ZNF33B: variants seen among roughly 807,000 people sequenced by gnomAD.
ZNF33B encodes zinc finger protein 33B, also known as zinc finger protein 11b (KOX 2).
Under a neutral mutation model 45.8 loss-of-function variants are expected in ZNF33B, and 29 were observed. That is an observed-to-expected ratio of 0.63 (90% CI 0.47 to 0.86). The LOEUF (loss-of-function observed/expected upper bound fraction) is 0.86. Ranked by LOEUF, ZNF33B falls within the 40% of genes least tolerant of loss-of-function variation. The pLI, the probability that ZNF33B is intolerant of heterozygous loss-of-function variation, is 0.00. For missense variants in ZNF33B, 831 were observed against 909.9 expected, an observed-to-expected ratio of 0.91 and a Z score of 1.12; for synonymous variants, 305 against 307.8, an observed-to-expected ratio of 0.99 and a Z score of 0.10.
At chr10:42,634,214 GGCC>G (rs1415119050) in intron 2 of ZNF33B, among the ~76,000 whole-genome samples, 1 of 151,592 alleles carries the variant, frequency 6.6e-6, no homozygotes, top group East Asian at 2.0e-4. Flanking sequence ...AGACTAGCCT[GGCC>G]AACATGGAGA....
At chr10:42,622,971 A>G (rs1428012536) in intron 4 of ZNF33B, among the ~76,000 whole-genome samples, 1 of 152,232 alleles carries the variant, frequency 6.6e-6, no homozygotes, top group Non-Finnish European at 1.5e-5. Flanking sequence ...AAGCAACAAA[A>G]GAAAGAGTAG....
chr10:42,607,109 A>AAT (rs1359316391), intron 4 of ZNF33B, among the ~76,000 whole-genome samples: 1 of 152,048 alleles, frequency 6.6e-6, no homozygotes, highest in Non-Finnish European at 1.5e-5. Flanking sequence ...ATATATATGC[A>AAT]ATATATATAA....
At chr10:42,603,725 C>T (rs562176534) in intron 4 of ZNF33B, among the ~76,000 whole-genome samples, 4 of 152,162 alleles carry the variant, frequency 2.6e-5, no homozygotes, top group Non-Finnish European at 5.9e-5. Context: ...CAATCAGTAG[C>T]GGCTATCAGC....
intron 2 of ZNF33B, among the ~76,000 whole-genome samples, chr10:42,633,562 G>T (rs1484762403): frequency 6.6e-6 from 1 of 152,142 alleles, no homozygotes; most frequent in African/African-American, 2.4e-5. Context: ...GTTTCCTCTG[G>T]CTATCCCCAT....
intron 4 of ZNF33B, among the ~76,000 whole-genome samples, chr10:42,601,440 G>C (rs1204832931): frequency 6.8e-6 from 1 of 147,698 alleles, no homozygotes; most frequent in East Asian, 2.0e-4. Context: ...CTGAAGTCCT[G>C]AAGTTCTCCT....
intron 4 of ZNF33B, among the ~76,000 whole-genome samples, chr10:42,600,474 T>C (rs1408990115): frequency 6.6e-6 from 1 of 152,216 alleles, no homozygotes; most frequent in Non-Finnish European, 1.5e-5. Flanking sequence ...CTACTTCATC[T>C]GGCTGTCACA....
At position 42,593,286 on chromosome 10, in the gene ZNF33B, C is replaced by T; in HGVS notation, c.1664G>A (p.Cys555Tyr). 6.2e-7 allele frequency: 1 copy of T among 1,614,040 alleles called. No homozygotes were observed. The highest frequency in any genetic ancestry group is 1.1e-5 in the South Asian group (1 of 91,076). ...RTHTGEKPFACPECGKFFSHK... is the reference protein window; with the variant it reads ...RTHTGEKPFAYPECGKFFSHK... Reference sequence around the variant, plus strand: ...GCTAAAGAATTTCCCACATTCAGGACATGCAAAGGGTTTCTCCCCTGTGTG... The same window carrying T: ...GCTAAAGAATTTCCCACATTCAGGATATGCAAAGGGTTTCTCCCCTGTGTG... Residue 555 changes from cysteine (C) to tyrosine (Y), a missense_variant, in exon 5 of 5, where the codon TGT (cysteine) becomes TAT (tyrosine). Physicochemically the swap from Cys to Tyr is radical, Grantham distance 194 (BLOSUM62 -2). Transcript: ENST00000359467.
In ZNF33B at chr10:42,635,210, T is replaced by G. The variant is rs190509328; in HGVS notation, c.9+1710A>C. Among the ~76,000 whole-genome samples the G allele has an allele frequency of 2.3e-3, 342 of 148,876 alleles. 1 individual carries two copies. The highest frequency in any genetic ancestry group is 8.0e-3 in the African/African-American group (322 of 40,226). ...GAGCCAAGATCGCACCACTGCACTC[T>G]AGCCTGAGTGACAGAGTGAGACATT... On this transcript the variant is annotated intron_variant, in intron 2 of 4. Coordinates refer to ENST00000359467, the MANE Select transcript of ZNF33B (RefSeq NM_006955.3).
intron 4 of ZNF33B, among the ~76,000 whole-genome samples, chr10:42,621,405 A>AAC (rs1332418879): frequency 2.6e-4 from 39 of 152,070 alleles, no homozygotes; most frequent in Middle Eastern, 3.4e-3. Context: ...AAGCTACACA[A>AAC]ACACATACAC....
At position 42,593,544 on chromosome 10, in the gene ZNF33B, A is replaced by G; in HGVS notation, c.1406T>C (p.Phe469Ser). ...HQRTHTGEKP[F>S]ECLECGKSFC... ...GGATTTCCCACACTCAAGACATTCA[A>G]AAGGTTTCTCACCTGTGTGAGTTCT... Residue 469 changes from phenylalanine to serine, a missense_variant, in exon 5 of 5, where the codon TTT becomes TCT. Physicochemically the swap from Phe to Ser is radical, Grantham distance 155. Transcript: ENST00000359467. 1 of 1,613,896 alleles carries G rather than the reference A, an allele frequency of 6.2e-7. No individual in the cohort carries two copies. The highest frequency in any genetic ancestry group is 1.3e-5 in the African/African-American group (1 of 74,974).
chr10:42,611,264 C>T (rs1020948214), intron 4 of ZNF33B, among the ~76,000 whole-genome samples: 3 of 152,050 alleles, frequency 2.0e-5, no homozygotes, highest in Admixed American at 2.0e-4. Flanking sequence ...ATGCTTGAAC[C>T]TGGGGGGCAG....
chr10:42,577,087 C>G (rs1294086419), intron 1 of ZNF33B, among the ~76,000 whole-genome samples: 1 of 130,138 alleles, frequency 7.7e-6, no homozygotes, highest in African/African-American at 2.9e-5. Context: ...GAGCTGAGAT[C>G]GTGCCATTGC....
rs147035936 is a variant in ZNF33B at position 42,607,406 on chromosome 10, A to G, written c.251-12707T>C. 2.0e-4 allele frequency among the ~76,000 whole-genome samples: 30 copies of G among 152,250 alleles called. No individual in the cohort carries two copies. In the East Asian group the frequency reaches 5.8e-3, roughly 29 times the overall value. Reference sequence around the variant, plus strand: ...GGAGGGGTGGGGAGGTGGGTGAAGGATAAGAAATTACCTGATGGGTGCAAT... The same window carrying G: ...GGAGGGGTGGGGAGGTGGGTGAAGGGTAAGAAATTACCTGATGGGTGCAAT... On this transcript the variant is annotated intron_variant, in intron 4 of 4. Transcript: ENST00000359467.
At chr10:42,587,790 G>C, downstream of ZNF33B, among the ~76,000 whole-genome samples, 1 of 152,172 alleles carries the variant, frequency 6.6e-6, no homozygotes. Context: ...GTAATCTGGG[G>C]AGAACTGGTA....
chr10:42,638,499 G>T lies in ZNF33B; in HGVS notation c.-70C>A. On this transcript the variant is annotated 5_prime_UTR_variant, in exon 1 of 5. Transcript: ENST00000359467. ...CTCACTCTCTCTTCGGGTTGCATTC[G>T]CCATAAGAGAGCCGGTAGACCCCTG... is the stretch of plus-strand genomic sequence containing the variant. 4.2e-6 allele frequency: 2 copies of T among 474,082 alleles called. No homozygotes were observed. Among genetic ancestry groups the T allele is most frequent in the Admixed American group, 4.5e-5 (2 of 44,334 alleles). The allele number at this position is 474,082 out of a possible 1,614,324, so 29.4% of individuals were successfully genotyped here.
chr10:42,582,926 G>C lies in ZNF33B; in HGVS notation c.74-8248C>G, dbSNP rs1836854574. ...AGGCTGTTTCCAAATTTGTTGCAGA[G>C]AATGCTGATGTCTCTTCCACAGCAC... On this transcript the variant is annotated intron_variant, in intron 1 of 1. Transcript: ENST00000462075. 6 of 512,784 alleles carry C rather than the reference G, an allele frequency of 1.2e-5. No homozygotes were observed. In the South Asian group the frequency reaches 1.3e-4, roughly 11 times the overall value. 31.8% of individuals were successfully genotyped at this position (512,784 alleles called of 1,614,324 possible). A position where few individuals can be genotyped will look rare whatever the true frequency, so the allele number is the denominator to read the frequency against.
At chr10:42,622,412 T>C (rs138719996) in intron 4 of ZNF33B, among the ~76,000 whole-genome samples, 2 of 152,322 alleles carry the variant, frequency 1.3e-5, no homozygotes, top group East Asian at 3.9e-4. Flanking sequence ...GTCAGAGGAC[T>C]CAAAACGTCC....
intron 1 of ZNF33B, among the ~76,000 whole-genome samples, chr10:42,577,696 C>T (rs1173901182): frequency 1.3e-5 from 2 of 152,222 alleles, no homozygotes; most frequent in African/African-American, 4.8e-5. Flanking sequence ...ATCTCCTGAG[C>T]AACCAAGTGG....
downstream of ZNF33B, among the ~76,000 whole-genome samples, chr10:42,585,222 C>A (rs1836907571): frequency 1.3e-5 from 2 of 152,232 alleles, no homozygotes; most frequent in South Asian, 4.1e-4. Context: ...CACTGTCCTG[C>A]AGGCACCACG....
Sources: allele counts gnomAD v4.1 joint callset (sites outside exome capture counted in the v4.1 genomes callset), GRCh38; gene constraint gnomAD v4.1.1; transcripts MANE v1.5; gene names NCBI Gene and HGNC (gene_info 2026-07-23, HGNC 2026-07-21).